Variants in NEK1 observed in about 807,000 individuals in gnomAD.
NEK1 encodes the protein NIMA related kinase 1, also known as serine/threonine-protein kinase Nek1.
NEK1 carries 137 observed loss-of-function variants against 182.1 expected under a neutral mutation model. The ratio of observed to expected loss-of-function variants is 0.75; its 90% CI spans 0.65 to 0.87. The LOEUF (loss-of-function observed/expected upper bound fraction) is 0.87, where lower values mean the gene tolerates loss of function less well. NEK1 is among the 40% of genes least tolerant of loss of function. NEK1 has a pLI of 0.00. For missense variants in NEK1, 1,391 were observed against 1,494.4 expected (o/e 0.93, Z 1.14); for synonymous variants, 513 against 492.2 (o/e 1.04, Z -0.56).
chr4:169,410,858 G>A (rs1381780636), intron 31 of NEK1, among the ~76,000 whole-genome samples: 3 of 152,164 alleles, frequency 2.0e-5, no homozygotes, highest in Admixed American at 6.5e-5. Context: ...AACACATCTG[G>A]TCTCTCTCCA....
chr4:169,394,505 G>T lies in NEK1; in HGVS notation c.*5C>A, dbSNP rs780097631. 2.8e-6 allele frequency: 4 copies of T among 1,407,130 alleles called. No individual in the cohort carries two copies. The South Asian group carries it at 5.2e-5, about 18-fold the overall frequency. 87.2% of individuals were successfully genotyped at this position (1,407,130 alleles called of 1,614,324 possible). ...ATAGTTGAGGATTAAAAAACATTTT[G>T]AGGATTATTCATCATTATCTGTAGA... On this transcript the variant is annotated 3_prime_UTR_variant, in exon 36 of 36. Transcript: ENST00000507142.
In NEK1 at chr4:169,585,341, GA is replaced by G; in HGVS notation, c.807+7del. 5 of 1,609,116 alleles carry G rather than the reference GA, an allele frequency of 3.1e-6. No individual in the cohort carries two copies. The highest frequency in any genetic ancestry group is 4.2e-6 in the Non-Finnish European group (5 of 1,176,940). On this transcript the variant is annotated splice_region_variant and intron_variant, in intron 10 of 35. Transcript: ENST00000507142. ...CTACTGTTTAATTTTAAAGGAAAAA[GA>G]ACTTACCTGAGGAGAGAGAAACTTT... is the stretch of plus-strand genomic sequence containing the variant.
chr4:169,545,927 C>G (rs1386038068), intron 18 of NEK1, among the ~76,000 whole-genome samples: 1 of 152,272 alleles, frequency 6.6e-6, no homozygotes. Context: ...AAAGAGGATA[C>G]AAACAAATGG....
rs1421408197 is a variant in NEK1, at chr4:169,561,750, T to C, written c.1141-13A>G. The C allele has an allele frequency of 6.3e-7, 1 of 1,586,938 alleles. No homozygotes were observed. On this transcript the variant is annotated splice_polypyrimidine_tract_variant and intron_variant, in intron 14 of 35. Coordinates refer to ENST00000507142, the MANE Select transcript of NEK1 (RefSeq NM_001199397.3). The stretch of plus-strand genomic sequence containing the variant: ...TTAAACTAATAATCTGTAACAATTT[T>C]AAAGACAAGCTTCTTACAACTCTTG...
chr4:169,522,186 A>G (rs1254671716), intron 19 of NEK1, among the ~76,000 whole-genome samples: 1 of 152,164 alleles, frequency 6.6e-6, no homozygotes, highest in African/African-American at 2.4e-5. Flanking sequence ...AATTTTGATT[A>G]TTGTGTTTTT....
chr4:169,563,685 C>T (rs1464647989), intron 12 of NEK1, among the ~76,000 whole-genome samples: 1 of 152,174 alleles, frequency 6.6e-6, no homozygotes, highest in Admixed American at 6.5e-5. Flanking sequence ...GATAATGCTT[C>T]CAATGTTTCA....
chr4:169,592,568 T>G (rs913873170), intron 5 of NEK1, among the ~76,000 whole-genome samples: 1 of 152,092 alleles, frequency 6.6e-6, no homozygotes, highest in Non-Finnish European at 1.5e-5. Context: ...GAAGGAAGCA[T>G]AGAAGGATAG....
At chr4:169,480,421 TTA>T (rs1318673888) in intron 23 of NEK1, among the ~76,000 whole-genome samples, 1 of 151,596 alleles carries the variant, frequency 6.6e-6, no homozygotes, top group Non-Finnish European at 1.5e-5. Flanking sequence ...CATACAAAAT[TTA>T]TGTTTACACG....
At chr4:169,397,168 G>T (rs1241211049) in intron 35 of NEK1, among the ~76,000 whole-genome samples, 1 of 151,902 alleles carries the variant, frequency 6.6e-6, no homozygotes, top group Non-Finnish European at 1.5e-5. Context: ...AGGTTGCAGT[G>T]AGTTGAGATC....
At chr4:169,537,198 T>C (rs940318157) in intron 19 of NEK1, among the ~76,000 whole-genome samples, 1 of 152,200 alleles carries the variant, frequency 6.6e-6, no homozygotes, top group Non-Finnish European at 1.5e-5. Context: ...AATCAAACTA[T>C]GAAGAGTTTT....
At chr4:169,547,701 C>G (rs766742001) in intron 18 of NEK1, among the ~76,000 whole-genome samples, 3 of 152,130 alleles carry the variant, frequency 2.0e-5, no homozygotes, top group Non-Finnish European at 4.4e-5. Flanking sequence ...ATCTTGTCTT[C>G]TCGCTTTATT....
intron 23 of NEK1, among the ~76,000 whole-genome samples, chr4:169,493,281 A>G (rs954149854): frequency 9.9e-5 from 15 of 152,022 alleles, no homozygotes; most frequent in South Asian, 2.1e-4. Context: ...CTTCAAGGGG[A>G]AAAAAAATAA....
chr4:169,556,907 GAGGA>G (rs968735602), intron 16 of NEK1, among the ~76,000 whole-genome samples: 40 of 152,242 alleles, frequency 2.6e-4, no homozygotes, highest in Non-Finnish European at 5.3e-4. Flanking sequence ...GAAGGTGGAA[GAGGA>G]AGGAAGTATG....
chr4:169,513,256 T>C (rs1224722240), intron 19 of NEK1, among the ~76,000 whole-genome samples: 1 of 152,178 alleles, frequency 6.6e-6, no homozygotes, highest in Non-Finnish European at 1.5e-5. Context: ...CTTCTTAGAT[T>C]TTTTTCACCA....
chr4:169,597,685 A>G (rs1769762645), intron 5 of NEK1, among the ~76,000 whole-genome samples: 2 of 152,118 alleles, frequency 1.3e-5, no homozygotes, highest in South Asian at 4.1e-4. Context: ...CTGTAATCCC[A>G]GCACTTTGGG....
chr4:169,604,502 A>T (rs902911540), intron 2 of NEK1, among the ~76,000 whole-genome samples: 10 of 152,392 alleles, frequency 6.6e-5, no homozygotes, highest in African/African-American at 2.4e-5. Flanking sequence ...TTCCATTCAT[A>T]GCAGGCTTCC....
At chr4:169,420,201 A>G (rs1735249275) in intron 31 of NEK1, among the ~76,000 whole-genome samples, 1 of 152,196 alleles carries the variant, frequency 6.6e-6, no homozygotes, top group East Asian at 1.9e-4. Flanking sequence ...TCCACCTCCA[A>G]TCTAGAAAGT....
chr4:169,538,363 A>G (rs1293674338), intron 18 of NEK1, among the ~76,000 whole-genome samples: 2 of 152,198 alleles, frequency 1.3e-5, no homozygotes, highest in African/African-American at 4.8e-5. Flanking sequence ...TGAATTTTCA[A>G]AAATACAGTA....
intron 27 of NEK1, among the ~76,000 whole-genome samples, chr4:169,446,133 T>C (rs1579694219): frequency 3.3e-5 from 5 of 151,752 alleles, no homozygotes; most frequent in Admixed American, 3.3e-4. Context: ...TTCTAGTGTT[T>C]AAAATAGTAC....
Sources: gnomAD v4.1 joint callset for allele counts (sites outside exome capture counted in the v4.1 genomes callset) on GRCh38, gnomAD v4.1.1 for gene constraint, MANE v1.5 for transcripts, NCBI Gene and HGNC (gene_info 2026-07-23, HGNC 2026-07-21) for gene names.